The following ZBBX variants were observed in gnomAD, a reference collection of about 807,000 sequenced individuals.
ZBBX encodes zinc finger B-box domain containing, also known as zinc finger B-box domain-containing protein 1.
ZBBX carries 101 observed loss-of-function variants against 108.5 expected under a neutral mutation model. The ratio of observed to expected loss-of-function variants is 0.93; its 90% CI spans 0.79 to 1.10. The LOEUF (loss-of-function observed/expected upper bound fraction) is 1.10, where lower values mean the gene tolerates loss of function less well. Among genes scored for constraint, ZBBX ranks in the 50% least tolerant of loss-of-function variants. ZBBX has a pLI of 0.00. For synonymous variants in ZBBX, 356 were observed against 323.4 expected (o/e 1.10, Z -1.08); for missense variants, 1,009 against 941.4 (o/e 1.07, Z -0.94).
chr3:167,210,496 A>T, the ZBBX span, among the ~76,000 whole-genome samples: 1 of 152,210 alleles, frequency 6.6e-6, no homozygotes, highest in Admixed American at 6.5e-5. Flanking sequence ...AAGCTTATTC[A>T]AAGGGATAAT....
the ZBBX span, among the ~76,000 whole-genome samples, chr3:167,178,620 T>C: frequency 2.0e-5 from 3 of 152,168 alleles, no homozygotes; most frequent in Non-Finnish European, 4.4e-5. Context: ...TTCAGATGTC[T>C]CAACGGCACC....
intron 5 of ZBBX, among the ~76,000 whole-genome samples, chr3:167,367,142 T>A (rs543050822): frequency 1.3e-5 from 2 of 151,940 alleles, no homozygotes; most frequent in Admixed American, 6.6e-5. Context: ...TAATTTAATA[T>A]ACAAACAGTT....
intron 8 of ZBBX, among the ~76,000 whole-genome samples, chr3:167,351,588 A>G (rs1742653902): frequency 6.6e-6 from 1 of 152,084 alleles, no homozygotes; most frequent in Non-Finnish European, 1.5e-5. Flanking sequence ...CTAACTATGG[A>G]GAGATCTAGG....
chr3:167,320,381 AAAAT>A (rs1736241894), intron 12 of ZBBX, among the ~76,000 whole-genome samples: 1 of 151,994 alleles, frequency 6.6e-6, no homozygotes, highest in African/African-American at 2.4e-5. Flanking sequence ...TCCCCAAAAT[AAAAT>A]AAATATTCAT....
At chr3:167,348,458 GGAAA>G (rs781048416) in intron 9 of ZBBX, among the ~76,000 whole-genome samples, 15 of 125,972 alleles carry the variant, frequency 1.2e-4, no homozygotes, top group Non-Finnish European at 2.0e-4. Flanking sequence ...GAGAGAAAGA[GGAAA>G]GAAAGAAAGA....
At chr3:167,279,666 T>C (rs1477076416) in intron 20 of ZBBX, among the ~76,000 whole-genome samples, 1 of 151,942 alleles carries the variant, frequency 6.6e-6, no homozygotes, top group African/African-American at 2.4e-5. Context: ...AAAATGGCCA[T>C]ACTGCCCAAG....
intron 20 of ZBBX, 74 bp from the exon 21 acceptor site, chr3:167,242,717 T>C (rs1720895362): frequency 1.2e-5 from 16 of 1,329,098 alleles, no homozygotes; most frequent in Non-Finnish European, 1.6e-5. Context: ...GTGCTGAATG[T>C]TTACCCAGAG....
intron 10 of ZBBX, among the ~76,000 whole-genome samples, chr3:167,330,126 T>C (rs1347566876): frequency 6.6e-6 from 1 of 152,128 alleles, no homozygotes; most frequent in Non-Finnish European, 1.5e-5. Flanking sequence ...ATCCAATAAA[T>C]GGAGTATTTT....
At chr3:167,237,634 C>A (rs1720285468), downstream of ZBBX, among the ~76,000 whole-genome samples, 1 of 151,816 alleles carries the variant, frequency 6.6e-6, no homozygotes, top group Non-Finnish European at 1.5e-5. Context: ...CCTCATTAGA[C>A]TAATGGCAAT....
At chr3:167,368,650 T>G (rs1745706928) in intron 4 of ZBBX, 76 bp from the exon 5 acceptor site, 1 of 1,355,314 alleles carries the variant, frequency 7.4e-7, no homozygotes, top group African/African-American at 1.5e-5. Context: ...TCTTTTCCTG[T>G]TAAATTAGAA....
At chr3:167,407,043 C>T (rs181446565) in intron 1 of ZBBX, among the ~76,000 whole-genome samples, 1 of 152,216 alleles carries the variant, frequency 6.6e-6, no homozygotes, top group Admixed American at 6.5e-5. Flanking sequence ...CACTCTCAGC[C>T]CTTGTTTTTC....
At chr3:167,276,325 A>C in intron 20 of ZBBX, among the ~76,000 whole-genome samples, 1 of 151,618 alleles carries the variant, frequency 6.6e-6, no homozygotes, top group East Asian at 1.9e-4. Context: ...CCAAAGGCAA[A>C]GAAGTTGAAA....
chr3:167,230,953 G>GTATT, the ZBBX span, among the ~76,000 whole-genome samples: 1 of 151,830 alleles, frequency 6.6e-6, no homozygotes, highest in Admixed American at 6.6e-5. Flanking sequence ...TATTTCGCAT[G>GTATT]TATTTTAAAA....
intron 2 of ZBBX, among the ~76,000 whole-genome samples, 182 bp downstream of exon 2, chr3:167,379,456 G>C (rs1270354208): frequency 6.6e-6 from 1 of 152,198 alleles, no homozygotes; most frequent in Non-Finnish European, 1.5e-5. Flanking sequence ...GCAGCCCTCT[G>C]TGTAGACTAT....
chr3:167,287,565 T>A (rs1448647872), intron 19 of ZBBX, among the ~76,000 whole-genome samples: 2 of 152,268 alleles, frequency 1.3e-5, no homozygotes, highest in East Asian at 3.9e-4. Context: ...TGAACAAATG[T>A]TTTTTATAGC....
At chr3:167,227,646 A>T in the ZBBX span, among the ~76,000 whole-genome samples, 8 of 151,760 alleles carry the variant, frequency 5.3e-5, no homozygotes, top group Non-Finnish European at 8.8e-5. Flanking sequence ...TCCACAGTAC[A>T]AAATTATACA....
chr3:167,244,304 A>G (rs545861768), intron 20 of ZBBX, among the ~76,000 whole-genome samples: 1 of 152,202 alleles, frequency 6.6e-6, no homozygotes, highest in African/African-American at 2.4e-5. Context: ...AGGCACCTTT[A>G]CATGTCCTAA....
At position 167,368,441 on chromosome 3, in the gene ZBBX, T is replaced by C. The variant is rs1745669728; in HGVS notation, c.182+20A>G. On this transcript the variant is annotated intron_variant, in intron 5 of 21. Transcript: ENST00000675490. ...ATAATTTAGTTGATTCATCTAAAAT[T>C]CTCTAAGAGTTTCACTCACTCTCTA... 1 of 1,546,090 alleles carries C rather than the reference T, an allele frequency of 6.5e-7. No homozygotes were observed. The highest frequency in any genetic ancestry group is 1.4e-5 in the African/African-American group (1 of 73,356).
rs551354839 is a variant in ZBBX at position 167,305,663 on chromosome 3, T to C, written c.1705A>G (p.Lys569Glu). Residue 569 changes from lysine (K) to glutamate (E), a missense_variant, in exon 17 of 22, where the codon AAA becomes GAA. Physicochemically the swap from Lys to Glu is moderately conservative, Grantham distance 56. Transcript: ENST00000675490. ...LYKRPSFEES[K>E]TTKSSLLLQE... ...TTTACCAGTGATGACTTTGTAGTTTTTGATTCTTCAAAGCTTGGCCTCTTA... is the reference window on the plus strand; with the variant it reads ...TTTACCAGTGATGACTTTGTAGTTTCTGATTCTTCAAAGCTTGGCCTCTTA... 9 of 1,564,262 alleles carry C rather than the reference T, an allele frequency of 5.8e-6. No individual in the cohort carries two copies. The African/African-American group carries it at 9.6e-5, about 17-fold the overall frequency.
Sources: allele counts gnomAD v4.1 joint callset (sites outside exome capture counted in the v4.1 genomes callset), GRCh38; gene constraint gnomAD v4.1.1; transcripts MANE v1.5; gene names NCBI Gene and HGNC (gene_info 2026-07-23, HGNC 2026-07-21).